Variants in PCDH15 observed in about 807,000 individuals in gnomAD.
PCDH15 encodes the protein protocadherin-15.
A neutral mutation model predicts 178.5 loss-of-function variants in PCDH15; 129 were observed. The observed-to-expected ratio is 0.72, with a 90% CI of 0.63 to 0.84. The LOEUF is 0.84. Ranked by LOEUF, PCDH15 falls within the 40% of genes least tolerant of loss-of-function variation. PCDH15 has a pLI of 0.00. For missense variants in PCDH15, 2,230 were observed against 2,099.9 expected, an observed-to-expected ratio of 1.06 and a Z score of -1.21; for synonymous variants, 800 against 732.0, an observed-to-expected ratio of 1.09 and a Z score of -1.50.
intron 3 of PCDH15, among the ~76,000 whole-genome samples, chr10:54,405,198 C>A (rs1263055228): frequency 6.6e-6 from 1 of 152,062 alleles, no homozygotes. Flanking sequence ...AAGATACATG[C>A]ATGTAAATGT....
rs181332562 is a variant in PCDH15, at chr10:55,120,859, G to T, written c.-80+45717C>A. Among the ~76,000 whole-genome samples, 3 of 152,280 alleles carry T rather than the reference G, an allele frequency of 2.0e-5. No individual in the cohort carries two copies. The East Asian group carries it at 5.8e-4, about 29-fold the overall frequency. Reference sequence around the variant, plus strand: ...TTTGCATACTGCCAACTCTGTAGGTGCATAGAGTACAAAAGCTGTGGAGGC... The same window carrying T: ...TTTGCATACTGCCAACTCTGTAGGTTCATAGAGTACAAAAGCTGTGGAGGC... On this transcript the variant is annotated intron_variant, in intron 2 of 5. Transcript: ENST00000458638.
intron 2 of PCDH15, among the ~76,000 whole-genome samples, chr10:55,550,930 G>A (rs1391489825): frequency 1.3e-5 from 2 of 151,972 alleles, no homozygotes; most frequent in East Asian, 3.9e-4. Flanking sequence ...CAATATTTGA[G>A]TCAAAATATT....
rs2093840023 is a variant in PCDH15, at chr10:54,635,881, T to C, written c.91+28291A>G. Among the ~76,000 whole-genome samples the C allele has an allele frequency of 2.0e-5, 3 of 151,858 alleles. 1 individual carries two copies. ...TTTAATCACAAATATTATGGTCATA[T>C]ATCACTTGAAAAACAAAAACACAGA... is the stretch of plus-strand genomic sequence containing the variant. On this transcript the variant is annotated intron_variant, in intron 2 of 37. Transcript: ENST00000644397.
At chr10:54,698,688 A>C (rs2095267246) in intron 1 of PCDH15, among the ~76,000 whole-genome samples, 1 of 152,140 alleles carries the variant, frequency 6.6e-6, no homozygotes, top group African/African-American at 2.4e-5. Context: ...TGAAGATAAT[A>C]ACAGCTACCC....
intron 3 of PCDH15, among the ~76,000 whole-genome samples, chr10:54,809,526 C>T (rs1952830842): frequency 6.6e-6 from 1 of 152,196 alleles, no homozygotes; most frequent in Admixed American, 6.5e-5. Flanking sequence ...AATCCAGTCT[C>T]CTGCATAGAG....
At chr10:54,273,886 A>G (rs1450180243) in intron 8 of PCDH15, among the ~76,000 whole-genome samples, 1 of 152,084 alleles carries the variant, frequency 6.6e-6, no homozygotes, top group Non-Finnish European at 1.5e-5. Context: ...GAATCAATCT[A>G]AATGCCCACC....
At chr10:55,179,257 T>G (rs930710839) in intron 1 of PCDH15, among the ~76,000 whole-genome samples, 1 of 152,054 alleles carries the variant, frequency 6.6e-6, no homozygotes, top group South Asian at 2.1e-4. Flanking sequence ...AGAGCAGTCA[T>G]TGTCCCTATC....
At chr10:54,150,985 G>A (rs574646393) in intron 14 of PCDH15, among the ~76,000 whole-genome samples, 7 of 152,242 alleles carry the variant, frequency 4.6e-5, no homozygotes, top group Admixed American at 6.5e-5. Flanking sequence ...AGGAGCTATA[G>A]TAAGATCAGT....
intron 15 of PCDH15, among the ~76,000 whole-genome samples, chr10:54,120,142 C>G (rs1024464932): frequency 6.6e-6 from 1 of 152,132 alleles, no homozygotes; most frequent in Non-Finnish European, 1.5e-5. Context: ...AAATTCCAAC[C>G]AAGAATTTCA....
At chr10:54,157,629 C>T (rs1260280976) in intron 13 of PCDH15, among the ~76,000 whole-genome samples, 1 of 152,214 alleles carries the variant, frequency 6.6e-6, no homozygotes, top group African/African-American at 2.4e-5. Flanking sequence ...GATTAACATT[C>T]AGCTTCTTGT....
intron 3 of PCDH15, among the ~76,000 whole-genome samples, chr10:54,814,422 T>A (rs938073519): frequency 3.3e-5 from 5 of 152,096 alleles, no homozygotes; most frequent in African/African-American, 1.2e-4. Flanking sequence ...AATAAAAAAG[T>A]ATGGCAAAAA....
At chr10:54,506,262 C>A (rs553020578) in intron 3 of PCDH15, among the ~76,000 whole-genome samples, 17 of 151,996 alleles carry the variant, frequency 1.1e-4, no homozygotes, top group African/African-American at 3.9e-4. Flanking sequence ...CCAAATAAAG[C>A]ATATTGGAAA....
intron 2 of PCDH15, among the ~76,000 whole-genome samples, chr10:54,945,340 A>AGATAGAT (rs1554817123): frequency 6.7e-4 from 73 of 108,950 alleles, no homozygotes; most frequent in Non-Finnish European, 3.6e-4. Context: ...ATAGATAGAT[A>AGATAGAT]GATAGATAGA....
At chr10:54,605,299 C>T (rs1201872018) in intron 2 of PCDH15, among the ~76,000 whole-genome samples, 2 of 151,880 alleles carry the variant, frequency 1.3e-5, no homozygotes, top group Non-Finnish European at 2.9e-5. Context: ...TTAAAGTACT[C>T]CCTTTAGCAT....
At chr10:54,232,349 A>G (rs2054162024) in intron 9 of PCDH15, among the ~76,000 whole-genome samples, 1 of 152,178 alleles carries the variant, frequency 6.6e-6, no homozygotes, top group African/African-American at 2.4e-5. Flanking sequence ...TTCTCCAGCC[A>G]TGCTTCTTGT....
chr10:54,470,083 C>G (rs989335604), intron 3 of PCDH15, among the ~76,000 whole-genome samples: 1 of 152,128 alleles, frequency 6.6e-6, no homozygotes, highest in African/African-American at 2.4e-5. Context: ...TGTTTACAGT[C>G]ACTGGCTGTG....
chr10:54,441,644 G>A (rs2075796000), intron 3 of PCDH15, among the ~76,000 whole-genome samples: 1 of 151,922 alleles, frequency 6.6e-6, no homozygotes, highest in South Asian at 2.1e-4. Context: ...AGGATTGGGT[G>A]TCAATAAATG....
intron 2 of PCDH15, among the ~76,000 whole-genome samples, chr10:55,515,687 A>G (rs1840996319): frequency 6.6e-6 from 1 of 152,104 alleles, no homozygotes; most frequent in Non-Finnish European, 1.5e-5. Flanking sequence ...AATGAAGAAA[A>G]TATACTGTAA....
At chr10:55,118,347 A>T (rs1027155254) in intron 2 of PCDH15, among the ~76,000 whole-genome samples, 17 of 152,188 alleles carry the variant, frequency 1.1e-4, no homozygotes, top group Non-Finnish European at 2.1e-4. Flanking sequence ...GGCGAATGTA[A>T]GTTGACAAAG....
Sources: allele counts gnomAD v4.1 joint callset (sites outside exome capture counted in the v4.1 genomes callset), GRCh38; gene constraint gnomAD v4.1.1; transcripts MANE v1.5; gene names NCBI Gene and HGNC (gene_info 2026-07-23, HGNC 2026-07-21).